Variants in EXOC6 observed in about 807,000 individuals in gnomAD.
EXOC6 encodes exocyst complex component 6, also known as SEC15-like 1.
Under a neutral mutation model 112.5 loss-of-function variants are expected in EXOC6, and 60 were observed. That is an observed-to-expected ratio of 0.53 (90% CI 0.43 to 0.66). The LOEUF is 0.66. EXOC6 is among the 30% of genes least tolerant of loss of function. The probability of loss-of-function intolerance (pLI) is 0.00; values close to 1 mark genes in which losing one functional copy is unlikely to be tolerated. For missense variants in EXOC6, 855 were observed against 957.1 expected (o/e 0.89, Z 1.41); for synonymous variants, 295 against 308.0 (o/e 0.96, Z 0.44).
At chr10:92,957,057 G>GTATAATAAGT (rs1478535116) in intron 17 of EXOC6, among the ~76,000 whole-genome samples, 2 of 151,980 alleles carry the variant, frequency 1.3e-5, no homozygotes, top group Non-Finnish European at 2.9e-5. Flanking sequence ...TAACAATATG[G>GTATAATAAGT]TATAATAAGT....
chr10:92,909,125 CAA>C (rs1243322017), intron 5 of EXOC6, among the ~76,000 whole-genome samples: 7 of 152,158 alleles, frequency 4.6e-5, no homozygotes, highest in Admixed American at 1.3e-4. Flanking sequence ...AAGTTTGAAA[CAA>C]TGATACATAT....
chr10:92,927,365 T>C lies in EXOC6; in HGVS notation c.889-974T>C, dbSNP rs528649999. Reference sequence around the variant, plus strand: ...CAGTTATTCACTTACCTAATATTTATTGAGTGCCTTCTGCATGCCAAGCAT... The same window carrying C: ...CAGTTATTCACTTACCTAATATTTACTGAGTGCCTTCTGCATGCCAAGCAT... On this transcript the variant is annotated intron_variant, in intron 8 of 21. Coordinates refer to ENST00000260762, the MANE Select transcript of EXOC6 (RefSeq NM_019053.6). 4.6e-5 allele frequency among the ~76,000 whole-genome samples: 7 copies of C among 152,320 alleles called. No individual in the cohort carries two copies. In the South Asian group the frequency reaches 1.5e-3, roughly 32 times the overall value.
At chr10:92,828,757 A>C (rs1846426766) in intron 1 of EXOC6, among the ~76,000 whole-genome samples, 1 of 148,566 alleles carries the variant, frequency 6.7e-6, no homozygotes, top group Non-Finnish European at 1.5e-5. Context: ...GGACCCTTCA[A>C]AATGCACAAG....
At chr10:92,864,212 G>A (rs927545083) in intron 1 of EXOC6, among the ~76,000 whole-genome samples, 4 of 152,158 alleles carry the variant, frequency 2.6e-5, no homozygotes, top group Non-Finnish European at 4.4e-5. Flanking sequence ...GTAACCTTTC[G>A]TATTGTAGGC....
At chr10:92,987,197 C>G (rs759028413) in intron 18 of EXOC6, among the ~76,000 whole-genome samples, 2 of 152,160 alleles carry the variant, frequency 1.3e-5, no homozygotes, top group Non-Finnish European at 2.9e-5. Context: ...GACCTAACAA[C>G]TAAAATTTTT....
intron 9 of EXOC6, among the ~76,000 whole-genome samples, chr10:92,933,718 T>A (rs1852188141): frequency 6.6e-6 from 1 of 152,064 alleles, no homozygotes; most frequent in African/African-American, 2.4e-5. Context: ...CCATAAAAGG[T>A]TTTGGCAGAA....
upstream of EXOC6, among the ~76,000 whole-genome samples, chr10:92,844,088 T>A (rs770745031): frequency 2.2e-4 from 32 of 146,678 alleles, no homozygotes; most frequent in Non-Finnish European, 3.7e-4. Flanking sequence ...AGGGCGGAGG[T>A]TGCAGTGAGC....
At chr10:92,998,169 C>T (rs921400506) in intron 19 of EXOC6, among the ~76,000 whole-genome samples, 24 of 152,104 alleles carry the variant, frequency 1.6e-4, no homozygotes, top group Admixed American at 6.5e-5. Flanking sequence ...AGCTTCAAAA[C>T]TGGATATGCT....
chr10:93,005,286 T>C (rs1468743682), intron 19 of EXOC6, among the ~76,000 whole-genome samples: 1 of 152,192 alleles, frequency 6.6e-6, no homozygotes, highest in Admixed American at 6.5e-5. Flanking sequence ...TAACCAGGAA[T>C]ACATACTTGG....
At chr10:92,957,133 T>G (rs1447338906) in intron 17 of EXOC6, among the ~76,000 whole-genome samples, 1 of 152,186 alleles carries the variant, frequency 6.6e-6, no homozygotes, top group Non-Finnish European at 1.5e-5. Flanking sequence ...AAATTGATTG[T>G]TAGCTTTTAT....
chr10:93,010,590 T>C (rs1447361199), intron 19 of EXOC6, among the ~76,000 whole-genome samples: 1 of 151,578 alleles, frequency 6.6e-6, no homozygotes, highest in Non-Finnish European at 1.5e-5. Flanking sequence ...TCCCAGCTAC[T>C]TGGGAGGCTG....
chr10:93,004,492 T>C (rs1843890825), intron 19 of EXOC6, among the ~76,000 whole-genome samples: 1 of 152,306 alleles, frequency 6.6e-6, no homozygotes, highest in African/African-American at 2.4e-5. Context: ...AACTAATCAT[T>C]ATTTCTTTCA....
At chr10:92,974,027 T>C (rs1554906813) in intron 17 of EXOC6, 26 bp from the exon 18 acceptor site, 1 of 1,534,602 alleles carries the variant, frequency 6.5e-7, no homozygotes, top group Non-Finnish European at 8.8e-7. Context: ...GTTTCTTGTC[T>C]TTGTTGTTAT....
chr10:92,955,659 A>G lies in EXOC6; in HGVS notation c.1718A>G (p.Asn573Ser). The change falls in exon 17 of 22, where the codon AAT (asparagine) becomes AGT (serine). Residue 573 changes from asparagine (N) to serine (S), a missense_variant. Physicochemically the swap from Asn to Ser is conservative, Grantham distance 46. Transcript: ENST00000260762. The stretch of plus-strand genomic sequence containing the variant: ...GAGGACTTTATAACTAACATTACAA[A>G]TATTTCCCAAGAAACTGTTCATACT... ...YLEDFITNIT[N>S]ISQETVHTTR... 4 of 1,612,284 alleles carry G rather than the reference A, an allele frequency of 2.5e-6. No individual in the cohort carries two copies. The highest frequency in any genetic ancestry group is 3.4e-6 in the Non-Finnish European group (4 of 1,178,798).
At chr10:93,023,170 G>T (rs1844864646) in intron 20 of EXOC6, among the ~76,000 whole-genome samples, 1 of 152,034 alleles carries the variant, frequency 6.6e-6, no homozygotes, top group African/African-American at 2.4e-5. Context: ...GAAAGATTAG[G>T]AAGTAGGTCC....
Position 92,997,423 on chromosome 10 carries a change from A to G in EXOC6, c.1954-51A>G, listed in dbSNP as rs778848077. On this transcript the variant is annotated intron_variant, in intron 18 of 21. Transcript: ENST00000260762. ...TGATTTTTCTGATTCTTTATGATGTATTTCTATGTGTGTTTATTTGTTTGA... is the reference window on the plus strand; with the variant it reads ...TGATTTTTCTGATTCTTTATGATGTGTTTCTATGTGTGTTTATTTGTTTGA... 1.2e-5 allele frequency: 18 copies of G among 1,534,712 alleles called. 1 individual carries two copies. In the Admixed American group the frequency reaches 2.9e-4, roughly 24 times the overall value.
At chr10:92,868,753 C>G (rs902572557) in intron 1 of EXOC6, among the ~76,000 whole-genome samples, 2 of 151,016 alleles carry the variant, frequency 1.3e-5, no homozygotes, top group African/African-American at 4.9e-5. Flanking sequence ...GGTGTTTTTT[C>G]TCACTATTTT....
At chr10:92,831,318 T>A (rs1360602952), upstream of EXOC6, 1 of 1,288,760 alleles carries the variant, frequency 7.8e-7, no homozygotes, top group East Asian at 5.5e-5. Context: ...CGGAAGAGGA[T>A]GAATGTGCTG....
rs1491506611 is a variant in EXOC6 at position 92,911,931 on chromosome 10, CTG to C, written c.663+2305_663+2306del. On this transcript the variant is annotated intron_variant, in intron 6 of 21. Transcript: ENST00000260762. ...TCTCTCTCTCTCTCTCTCTCTCTCT[CTG>C]TGTGCGTGTGTGTGTGTGTGTGTGT... Among the ~76,000 whole-genome samples the C allele has an allele frequency of 2.0e-4, 9 of 44,126 alleles. No homozygotes were observed. The East Asian group carries it at 0.026, about 126-fold the overall frequency. 28.9% of individuals were successfully genotyped at this position (44,126 alleles called of 152,430 possible).
Sources: allele counts gnomAD v4.1 joint callset (sites outside exome capture counted in the v4.1 genomes callset), GRCh38; gene constraint gnomAD v4.1.1; transcripts MANE v1.5; gene names NCBI Gene and HGNC (gene_info 2026-07-23, HGNC 2026-07-21).